The following GMPR2 variants were observed in gnomAD, a reference collection of about 807,000 sequenced individuals.
GMPR2 encodes the protein GMP reductase 2.
In GMPR2, 32 loss-of-function variants were observed where a neutral mutation model predicts 38.5. That is an observed-to-expected ratio of 0.83 (90% CI 0.63 to 1.12). The LOEUF (loss-of-function observed/expected upper bound fraction) is 1.12. Ranked by LOEUF, GMPR2 falls within the 50% of genes most tolerant of loss-of-function variation. The probability of loss-of-function intolerance (pLI) is 0.00; values close to 1 mark genes in which losing one functional copy is unlikely to be tolerated. For synonymous variants in GMPR2, 154 were observed against 151.0 expected, an observed-to-expected ratio of 1.02 and a Z score of -0.15; for missense variants, 396 against 432.1, an observed-to-expected ratio of 0.92 and a Z score of 0.74.
At chr14:24,234,187 G>A (rs1156888553) in intron 3 of GMPR2, 1 of 1,289,212 alleles carries the variant, frequency 7.8e-7, no homozygotes, top group Admixed American at 2.3e-5. Flanking sequence ...CTTTGAAATG[G>A]AAGATGCTGC....
intron 4 of GMPR2, 54 bp downstream of exon 4, chr14:24,235,874 A>G (rs1296240859): frequency 6.3e-7 from 1 of 1,588,672 alleles, no homozygotes; most frequent in Non-Finnish European, 8.6e-7. Context: ...CAGCAATTAT[A>G]TTTTGGCTTT....
Position 24,233,748 on chromosome 14 carries a change from C to G in GMPR2, c.207+150C>G, listed in dbSNP as rs1282654094. 4.8e-6 allele frequency: 4 copies of G among 825,986 alleles called. No homozygotes were observed. The Admixed American group carries it at 6.2e-5, about 13-fold the overall frequency. The allele number at this position is 825,986 out of a possible 1,614,324, so 51.2% of individuals were successfully genotyped here. A position where few individuals can be genotyped will look rare whatever the true frequency, so the allele number is the denominator to read the frequency against. On this transcript the variant is annotated intron_variant, in intron 3 of 9. Coordinates refer to ENST00000399440, the MANE Select transcript of GMPR2 (RefSeq NM_001002002.3). ...TTTACGGTTTTTTCCACTACTGAAG[C>G]CCTTTATCTGATAAGTTCAAAAGGC...
chr14:24,237,257 C>G lies in GMPR2; in HGVS notation c.560C>G (p.Thr187Ser). The G allele has an allele frequency of 6.2e-7, 1 of 1,606,800 alleles. No homozygotes were observed. The highest frequency in any genetic ancestry group is 1.1e-5 in the South Asian group (1 of 90,926). The stretch of plus-strand genomic sequence containing the variant: ...ATGTTCTTCCTAGGCTCTGTGTGTA[C>G]TACTCGGAAGAAAACTGGAGTGGGG... Reference protein sequence around the residue: ...KVGIGPGSVCTTRKKTGVGYP... With the variant: ...KVGIGPGSVCSTRKKTGVGYP... Residue 187 changes from threonine to serine, a missense_variant, in exon 7 of 10, where the codon ACT (threonine) becomes AGT (serine). Coordinates refer to ENST00000399440, the MANE Select transcript of GMPR2 (RefSeq NM_001002002.3).
At chr14:24,238,551 C>A in intron 9 of GMPR2, 38 bp from the exon 10 acceptor site, 1 of 1,613,848 alleles carries the variant, frequency 6.2e-7, no homozygotes, top group Non-Finnish European at 8.5e-7. Context: ...CTTAAGGAAT[C>A]CAGAAGGAGA....
chr14:24,237,184 C>T, intron 6 of GMPR2, 32 bp downstream of exon 6: 1 of 1,537,436 alleles, frequency 6.5e-7, no homozygotes. Context: ...ACTGGCTACC[C>T]CCCTTCAGTG....
intron 5 of GMPR2, 47 bp from the exon 6 acceptor site, chr14:24,237,024 C>T (rs1405758815): frequency 7.3e-7 from 1 of 1,376,650 alleles, no homozygotes; most frequent in Admixed American, 1.7e-5. Context: ...TACATGACCT[C>T]CTGTTTCTGG....
chr14:24,239,028 T>C lies in GMPR2; in HGVS notation c.*250T>C. 2 of 590,042 alleles carry C rather than the reference T, an allele frequency of 3.4e-6. No individual in the cohort carries two copies. Among genetic ancestry groups the C allele is most frequent in the Non-Finnish European group, 6.4e-6 (2 of 313,930 alleles). 36.6% of individuals were successfully genotyped at this position (590,042 alleles called of 1,614,324 possible). On this transcript the variant is annotated 3_prime_UTR_variant, in exon 10 of 10. Coordinates refer to ENST00000399440, the MANE Select transcript of GMPR2 (RefSeq NM_001002002.3). ...GATGCAAGAAAATCAAATGGGAATC[T>C]GGGGACCCAACACAACATCCTGAAG...
upstream of GMPR2, chr14:24,232,826 G>C: frequency 4.0e-6 from 1 of 246,972 alleles, no homozygotes; most frequent in South Asian, 5.7e-5. Flanking sequence ...GTCAACTGCC[G>C]CCTGGACCAA....
At chr14:24,235,931 A>G in intron 4 of GMPR2, 36 bp from the exon 5 acceptor site, 1 of 1,609,202 alleles carries the variant, frequency 6.2e-7, no homozygotes, top group South Asian at 1.1e-5. Flanking sequence ...CCACCAGATC[A>G]TCTCTGATAT....
At position 24,238,263 on chromosome 14, in the gene GMPR2, G is replaced by C; in HGVS notation, c.715G>C (p.Val239Leu). 1.2e-6 allele frequency: 2 copies of C among 1,612,040 alleles called. No homozygotes were observed. The highest frequency in any genetic ancestry group is 2.2e-5 in the South Asian group (2 of 90,890). The change falls in exon 9 of 10, where the codon GTG becomes CTG. Residue 239 changes from valine (V) to leucine (L), a missense_variant. Coordinates refer to ENST00000399440, the MANE Select transcript of GMPR2 (RefSeq NM_001002002.3). Reference protein sequence around the residue: ...AKAFGAGADFVMLGGMLAGHS... With the variant: ...AKAFGAGADFLMLGGMLAGHS... ...GGTGGCAGGGGCAGGAGCTGACTTC[G>C]TGATGCTGGGTGGCATGCTGGCTGG...
In GMPR2 at chr14:24,238,328, C is replaced by G; in HGVS notation, c.780C>G (p.Gly260=). ...ESGGELIERD[G]KKYKLFYGMS... The stretch of plus-strand genomic sequence containing the variant: ...GTGGTGAGCTCATCGAGAGGGATGG[C>G]AAGAAGTACAAGCTCTTCTATGGAA... Residue 260 remains glycine, a synonymous_variant, in exon 9 of 10, where the codon GGC becomes GGG. Transcript: ENST00000399440. 6.2e-7 allele frequency: 1 copy of G among 1,613,994 alleles called. No individual in the cohort carries two copies. Among genetic ancestry groups the G allele is most frequent in the Non-Finnish European group, 8.5e-7 (1 of 1,179,956 alleles).
chr14:24,233,700 AG>A, intron 3 of GMPR2, 102 bp downstream of exon 3: 1 of 1,309,380 alleles, frequency 7.6e-7, no homozygotes, highest in African/African-American at 1.4e-5. Flanking sequence ...GTTCTCTGGC[AG>A]TTAGCAGTCA....
Position 24,237,309 on chromosome 14 carries a change from G to A in GMPR2, c.612G>A (p.Glu204=), listed in dbSNP as rs1336030774. The A allele has an allele frequency of 1.2e-6, 2 of 1,612,240 alleles. No individual in the cohort carries two copies. Among genetic ancestry groups the A allele is most frequent in the Admixed American group, 1.7e-5 (1 of 60,016 alleles). Residue 204 remains glutamate (E), a synonymous_variant, in exon 7 of 10, where the codon GAG becomes GAA. Transcript: ENST00000399440. ...ATCCACAGCTCAGCGCAGTGATGGA[G>A]TGTGCAGATGCTGCTCATGGCCTCA... ...VGYPQLSAVM[E]CADAAHGLKG...
Position 24,237,227 on chromosome 14 carries a change from T to G in GMPR2, c.548-18T>G. The G allele has an allele frequency of 1.3e-6, 2 of 1,578,128 alleles. No homozygotes were observed. The highest frequency in any genetic ancestry group is 1.7e-6 in the Non-Finnish European group (2 of 1,147,168). ...CCTGTGGAGCACGTCATTCTTACCCTTATCATGTTCTTCCTAGGCTCTGTG... is the reference window on the plus strand; with the variant it reads ...CCTGTGGAGCACGTCATTCTTACCCGTATCATGTTCTTCCTAGGCTCTGTG... On this transcript the variant is annotated intron_variant, in intron 6 of 9. Transcript: ENST00000399440.
chr14:24,237,893 A>C (rs1182862526), intron 8 of GMPR2: 5 of 479,028 alleles, frequency 1.0e-5, no homozygotes, highest in Non-Finnish European at 1.5e-5. Flanking sequence ...CATTACTCCC[A>C]TTAAAGTTGG....
intron 8 of GMPR2, 96 bp downstream of exon 8, chr14:24,237,658 T>G: frequency 9.5e-7 from 1 of 1,057,496 alleles, no homozygotes; most frequent in East Asian, 2.4e-5. Flanking sequence ...CAGGAAGTCA[T>G]TCAGATTCTT....
chr14:24,233,010 C>A, intron 1 of GMPR2, 33 bp downstream of exon 1: 1 of 620,506 alleles, frequency 1.6e-6, no homozygotes. Flanking sequence ...CTCTCACAAC[C>A]CTTTCCCAGC....
rs748910661 is a variant in GMPR2 at position 24,237,238 on chromosome 14, T to A, written c.548-7T>A. ...CGTCATTCTTACCCTTATCATGTTC[T>A]TCCTAGGCTCTGTGTGTACTACTCG... On this transcript the variant is annotated splice_region_variant and splice_polypyrimidine_tract_variant and intron_variant, in intron 6 of 9. Coordinates refer to ENST00000399440, the MANE Select transcript of GMPR2 (RefSeq NM_001002002.3). The A allele has an allele frequency of 3.8e-6, 6 of 1,594,174 alleles. No individual in the cohort carries two copies. Among genetic ancestry groups the A allele is most frequent in the Non-Finnish European group, 5.2e-6 (6 of 1,161,882 alleles).
At chr14:24,232,918 C>T (rs2040115247), upstream of GMPR2, 1 of 440,686 alleles carries the variant, frequency 2.3e-6, no homozygotes, top group African/African-American at 2.0e-5. Context: ...CCTTCGTTCC[C>T]CTAAATCAGC....
Sources: allele counts gnomAD v4.1 joint callset, GRCh38; gene constraint gnomAD v4.1.1; transcripts MANE v1.5; gene names NCBI Gene and HGNC (gene_info 2026-07-23, HGNC 2026-07-21).